The following FARP1 variants were observed in gnomAD, a reference collection of about 807,000 sequenced individuals.
The protein encoded by FARP1 is FERM, ARH/RhoGEF and pleckstrin domain protein 1.
In FARP1, 52 loss-of-function variants were observed where a neutral mutation model predicts 128.8. The ratio of observed to expected loss-of-function variants is 0.40; its 90% CI spans 0.32 to 0.51. The LOEUF is 0.51. Among genes scored for constraint, FARP1 ranks in the 20% least tolerant of loss-of-function variants. The pLI, the probability that FARP1 is intolerant of heterozygous loss-of-function variation, is 0.45. For synonymous variants in FARP1, 580 were observed against 551.8 expected (o/e 1.05, Z -0.72); for missense variants, 1,333 against 1,367.9 (o/e 0.97, Z 0.40).
intron 2 of FARP1, among the ~76,000 whole-genome samples, chr13:98,290,542 G>C (rs934669467): frequency 3.2e-4 from 48 of 152,056 alleles, no homozygotes; most frequent in African/African-American, 1.2e-3. Flanking sequence ...GGGACAGTGT[G>C]GTATAGGGTT....
chr13:98,277,930 G>T (rs73558514), intron 2 of FARP1, among the ~76,000 whole-genome samples: 2,745 of 135,952 alleles, frequency 0.02, 78 homozygotes, highest in African/African-American at 0.063. Flanking sequence ...GTGCAGCGAG[G>T]GTCAAAATCT....
intron 1 of FARP1, among the ~76,000 whole-genome samples, chr13:98,193,242 G>GAGAC (rs1272954191): frequency 2.0e-5 from 3 of 152,118 alleles, no homozygotes; most frequent in African/African-American, 7.2e-5. Flanking sequence ...ATTTTTAGTA[G>GAGAC]AGACAGGGTT....
chr13:98,252,714 C>A (rs1157086754), intron 2 of FARP1, among the ~76,000 whole-genome samples: 1 of 152,164 alleles, frequency 6.6e-6, no homozygotes, highest in Admixed American at 6.5e-5. Context: ...GTTGCCTGTG[C>A]CTTCCCAGGA....
chr13:98,413,744 C>G (rs961900407), intron 16 of FARP1, among the ~76,000 whole-genome samples: 2 of 152,210 alleles, frequency 1.3e-5, no homozygotes, highest in Non-Finnish European at 2.9e-5. Flanking sequence ...CTGCCTGTGT[C>G]TCATCATTCA....
At chr13:98,447,801 C>T (rs1268411278) in intron 26 of FARP1, 1 of 169,280 alleles carries the variant, frequency 5.9e-6, no homozygotes, top group Non-Finnish European at 1.3e-5. Context: ...GCGATAACTG[C>T]ACCACTGAAC....
At chr13:98,440,272 C>T (rs1337190218) in intron 23 of FARP1, 37 bp downstream of exon 23, 1 of 1,471,976 alleles carries the variant, frequency 6.8e-7, no homozygotes, top group Admixed American at 1.7e-5. Context: ...ATGCAGGGGT[C>T]TGGTTCATGG....
At chr13:98,336,196 G>A (rs1195594607) in intron 2 of FARP1, among the ~76,000 whole-genome samples, 1 of 152,148 alleles carries the variant, frequency 6.6e-6, no homozygotes, top group East Asian at 1.9e-4. Flanking sequence ...TTAAAACTTT[G>A]TTATAGAAAT....
chr13:98,443,842 C>CCAGGAGGAGGGAACGGACAG lies in FARP1; in HGVS notation c.2797-2256_2797-2255insCAGGAGGAGGGAACGGACAG, dbSNP rs1285026591. 1.5e-3 allele frequency among the ~76,000 whole-genome samples: 10 copies of CCAGGAGGAGGGAACGGACAG among 6,784 alleles called. No individual in the cohort carries two copies. The South Asian group carries it at 0.021, about 14-fold the overall frequency. The allele number at this position is 6,784 out of a possible 152,430, so 4.5% of individuals were successfully genotyped here. Reference sequence around the variant, plus strand: ...TTCAGCAGACAGAGCGCAGACAGGACTGGGAGGAGGGAAGGGACGGGGTGC... The same window carrying CCAGGAGGAGGGAACGGACAG: ...TTCAGCAGACAGAGCGCAGACAGGACCAGGAGGAGGGAACGGACAGTGGGAGGAGGGAAGGGACGGGGTGC... On this transcript the variant is annotated intron_variant, in intron 24 of 26. Coordinates refer to ENST00000319562, the MANE Select transcript of FARP1 (RefSeq NM_005766.4).
intron 2 of FARP1, among the ~76,000 whole-genome samples, chr13:98,236,032 C>A (rs1168567459): frequency 6.6e-6 from 1 of 152,296 alleles, no homozygotes; most frequent in South Asian, 2.1e-4. Flanking sequence ...CCATGTTTGT[C>A]AGGCTGGTCT....
intron 2 of FARP1, among the ~76,000 whole-genome samples, chr13:98,306,165 T>C (rs1886145929): frequency 6.6e-6 from 1 of 152,250 alleles, no homozygotes; most frequent in Non-Finnish European, 1.5e-5. Flanking sequence ...GTTAACTATG[T>C]TCTAATAACT....
chr13:98,393,305 G>A (rs1709943108), intron 11 of FARP1, among the ~76,000 whole-genome samples: 1 of 152,198 alleles, frequency 6.6e-6, no homozygotes, highest in Non-Finnish European at 1.5e-5. Flanking sequence ...CAGAGCATGG[G>A]AGGGCGCAGC....
At chr13:98,229,941 T>C (rs1461130429) in intron 2 of FARP1, among the ~76,000 whole-genome samples, 9 of 152,202 alleles carry the variant, frequency 5.9e-5, no homozygotes, top group African/African-American at 2.2e-4. Context: ...ACAGATTTAT[T>C]GTATGAGTGT....
chr13:98,152,131 C>A (rs1002320215), intron 1 of FARP1, among the ~76,000 whole-genome samples: 6 of 152,322 alleles, frequency 3.9e-5, no homozygotes, highest in Middle Eastern at 6.8e-3. Context: ...CAGTTCATGT[C>A]TCAGCCCAAA....
At chr13:98,163,713 CTT>C (rs11440645) in intron 1 of FARP1, among the ~76,000 whole-genome samples, 1 of 143,946 alleles carries the variant, frequency 6.9e-6, no homozygotes. Context: ...ATGGCCTTTT[CTT>C]TTTTTTTTTT....
At chr13:98,443,064 T>C (rs527903863) in intron 24 of FARP1, among the ~76,000 whole-genome samples, 49 of 152,356 alleles carry the variant, frequency 3.2e-4, no homozygotes, top group African/African-American at 1.2e-3. Flanking sequence ...GTCAAGGCAC[T>C]GAGTCAGGGG....
At chr13:98,168,391 C>A (rs1877429638) in intron 1 of FARP1, among the ~76,000 whole-genome samples, 1 of 152,150 alleles carries the variant, frequency 6.6e-6, no homozygotes, top group Admixed American at 6.5e-5. Flanking sequence ...CTAATTAATT[C>A]TGAAACTCTC....
chr13:98,365,919 T>TGTGTG (rs1889064107), intron 4 of FARP1, among the ~76,000 whole-genome samples: 2 of 76,118 alleles, frequency 2.6e-5, no homozygotes, highest in Non-Finnish European at 6.6e-5. Context: ...GTGTGTGTGT[T>TGTGTG]TCTGAGTAGC....
intron 3 of FARP1, among the ~76,000 whole-genome samples, chr13:98,346,410 G>A (rs572171925): frequency 2.1e-4 from 32 of 150,702 alleles, no homozygotes; most frequent in African/African-American, 7.1e-4. Context: ...GACTGGTCTC[G>A]AACTCCTGAC....
Position 98,453,036 on chromosome 13 carries a change from C to T in FARP1, c.*4719C>T, listed in dbSNP as rs757524944. On this transcript the variant is annotated 3_prime_UTR_variant, in exon 27 of 27. Coordinates refer to ENST00000319562, the MANE Select transcript of FARP1 (RefSeq NM_005766.4). ...AGTGAAGACTGTGTGTGTCCCTGGA[C>T]GGGCGCCTGGCGCTGGGGTGGCTCC... 37 of 899,194 alleles carry T rather than the reference C, an allele frequency of 4.1e-5. No individual in the cohort carries two copies. Among genetic ancestry groups the T allele is most frequent in the African/African-American group, 1.7e-4 (10 of 59,716 alleles). The allele number at this position is 899,194 out of a possible 1,614,324, so 55.7% of individuals were successfully genotyped here.
Sources: gnomAD v4.1 joint callset for allele counts (sites outside exome capture counted in the v4.1 genomes callset) on GRCh38, gnomAD v4.1.1 for gene constraint, MANE v1.5 for transcripts, NCBI Gene and HGNC (gene_info 2026-07-23, HGNC 2026-07-21) for gene names.